Variants in HTR2C observed in about 807,000 individuals in gnomAD.
HTR2C encodes the protein 5-hydroxytryptamine receptor 2C.
HTR2C carries 5 observed loss-of-function variants against 21.0 expected under a neutral mutation model. That is an observed-to-expected ratio of 0.24 (90% CI 0.12 to 0.50). The LOEUF (loss-of-function observed/expected upper bound fraction) is 0.50. HTR2C is among the 20% of genes least tolerant of loss of function. The pLI is 0.98. For missense variants in HTR2C, 271 were observed against 371.2 expected, an observed-to-expected ratio of 0.73 and a Z score of 2.22; for synonymous variants, 150 against 145.3, an observed-to-expected ratio of 1.03 and a Z score of -0.23.
intron 2 of HTR2C, among the ~76,000 whole-genome samples, chrX:114,623,961 T>A (rs1333542363): frequency 2.2e-5 from 2 of 90,599 alleles, no homozygotes; most frequent in Non-Finnish European, 4.1e-5. Flanking sequence ...CAGGCTGGAG[T>A]ACAGTGGCAT....
chrX:114,790,138 G>C (rs1316848132), intron 4 of HTR2C, among the ~76,000 whole-genome samples: 1 of 111,610 alleles, frequency 9.0e-6, no homozygotes, highest in Non-Finnish European at 1.9e-5. Context: ...CATTGTTTTT[G>C]TTATTCAGTC....
chrX:114,805,853 A>ACCATATATG (rs2070413263), intron 4 of HTR2C, among the ~76,000 whole-genome samples: 1 of 93,853 alleles, frequency 1.1e-5, no homozygotes, highest in Admixed American at 1.2e-4. Flanking sequence ...CCATATATAT[A>ACCATATATG]CCATATATAT....
chrX:114,665,861 G>T lies in HTR2C; in HGVS notation c.-80+51980G>T, dbSNP rs1046455627. Among the ~76,000 whole-genome samples the T allele has an allele frequency of 6.3e-5, 7 of 111,081 alleles. 1 individual carries two copies. Among genetic ancestry groups the T allele is most frequent in the Admixed American group, 4.8e-4 (5 of 10,396 alleles). ...TAACTTTTTCTGAAACAAAATCTGT[G>T]CATAAGTGGACTTGAGCAGTTCAAA... is the stretch of plus-strand genomic sequence containing the variant. On this transcript the variant is annotated intron_variant, in intron 2 of 5. Transcript: ENST00000276198.
chrX:114,760,101 G>T (rs920249844), intron 4 of HTR2C, among the ~76,000 whole-genome samples: 80 of 111,458 alleles, frequency 7.2e-4, no homozygotes, highest in African/African-American at 2.3e-3. Flanking sequence ...GGAAGCAACT[G>T]GGAAAATATC....
intron 4 of HTR2C, among the ~76,000 whole-genome samples, chrX:114,844,002 G>A (rs2070855140): frequency 9.0e-6 from 1 of 110,884 alleles, no homozygotes; most frequent in Non-Finnish European, 1.9e-5. Context: ...GAGTCCTTCA[G>A]GATGAAATGA....
chrX:114,881,871 T>C (rs1380589023), intron 5 of HTR2C, among the ~76,000 whole-genome samples: 1 of 110,071 alleles, frequency 9.1e-6, no homozygotes, highest in Non-Finnish European at 1.9e-5. Flanking sequence ...GGCTTGACAA[T>C]TTCTACAAAG....
At chrX:114,635,402 G>A (rs1486656084) in intron 2 of HTR2C, among the ~76,000 whole-genome samples, 2 of 111,796 alleles carry the variant, frequency 1.8e-5, no homozygotes, top group Non-Finnish European at 3.8e-5. Context: ...CATAGTTATG[G>A]GGATGAAGAC....
intron 1 of HTR2C, among the ~76,000 whole-genome samples, chrX:114,585,121 G>A (rs1165380758): frequency 9.1e-6 from 1 of 110,236 alleles, no homozygotes; most frequent in Admixed American, 9.7e-5. Context: ...CCGACAGCAG[G>A]CAAGTGGGAG....
At chrX:114,611,667 T>C (rs1325904643) in intron 1 of HTR2C, among the ~76,000 whole-genome samples, 2 of 112,255 alleles carry the variant, frequency 1.8e-5, no homozygotes, top group East Asian at 5.6e-4. Flanking sequence ...TTCTGAAGTG[T>C]AGATTAAAAC....
intron 4 of HTR2C, among the ~76,000 whole-genome samples, chrX:114,841,184 A>C (rs1344076578): frequency 8.9e-6 from 1 of 112,018 alleles, no homozygotes; most frequent in Non-Finnish European, 1.9e-5. Context: ...AGTCATGCCT[A>C]CTAAGGTTGC....
chrX:114,758,258 A>G (rs1383454362), intron 4 of HTR2C, among the ~76,000 whole-genome samples: 3 of 111,834 alleles, frequency 2.7e-5, no homozygotes, highest in African/African-American at 9.7e-5. Context: ...ATGAATGTCA[A>G]ACTTAAAGGT....
intron 2 of HTR2C, chrX:114,652,654 C>A (rs1556408691): frequency 2.6e-6 from 1 of 377,450 alleles, no homozygotes; most frequent in African/African-American, 2.7e-5. Flanking sequence ...TGGCATATAG[C>A]AGGTCCTCAA....
At chrX:114,774,642 C>T (rs1556438181) in intron 4 of HTR2C, among the ~76,000 whole-genome samples, 1 of 111,978 alleles carries the variant, frequency 8.9e-6, no homozygotes, top group African/African-American at 3.2e-5. Flanking sequence ...ACTTACAGTA[C>T]AGTGCTTATA....
At chrX:114,644,282 G>T (rs1930250615) in intron 2 of HTR2C, among the ~76,000 whole-genome samples, 1 of 99,909 alleles carries the variant, frequency 1.0e-5, no homozygotes, top group South Asian at 4.7e-4. Context: ...GGAGGTGGAG[G>T]TTGCAATGAG....
intron 2 of HTR2C, among the ~76,000 whole-genome samples, chrX:114,647,791 A>G (rs1287767329): frequency 8.9e-6 from 1 of 111,990 alleles, no homozygotes; most frequent in Non-Finnish European, 1.9e-5. Context: ...TGTAATGACT[A>G]TGAGATGGCC....
chrX:114,589,293 G>A (rs1927533200), intron 1 of HTR2C, among the ~76,000 whole-genome samples: 3 of 111,745 alleles, frequency 2.7e-5, no homozygotes, highest in Admixed American at 9.5e-5. Context: ...AGAATGTACT[G>A]TTAATGCTGA....
chrX:114,611,798 C>G (rs1327530810), intron 1 of HTR2C, among the ~76,000 whole-genome samples: 1 of 111,518 alleles, frequency 9.0e-6, no homozygotes, highest in Non-Finnish European at 1.9e-5. Context: ...CCCGGGTTCA[C>G]GTCATTCTCC....
intron 4 of HTR2C, among the ~76,000 whole-genome samples, chrX:114,822,239 T>C (rs1267267906): frequency 8.9e-6 from 1 of 112,201 alleles, no homozygotes; most frequent in Non-Finnish European, 1.9e-5. Context: ...TTTACTTTTG[T>C]TCTCTTGTAA....
intron 2 of HTR2C, chrX:114,717,810 G>C (rs1374381198): frequency 9.0e-6 from 1 of 111,481 alleles, no homozygotes; most frequent in Non-Finnish European, 1.9e-5. Context: ...TTCTTAGATA[G>C]TATCTTTTGA....
Sources: allele counts gnomAD v4.1 joint callset (sites outside exome capture counted in the v4.1 genomes callset), GRCh38; gene constraint gnomAD v4.1.1; transcripts MANE v1.5; gene names NCBI Gene and HGNC (gene_info 2026-07-23, HGNC 2026-07-21).